FBXL20: variants seen among roughly 807,000 people sequenced by gnomAD.
FBXL20 encodes F-box and leucine rich repeat protein 20, also known as F-box/LRR-repeat protein 20.
A neutral mutation model predicts 64.0 loss-of-function variants in FBXL20; 11 were observed. The observed-to-expected ratio is 0.17, with a 90% CI of 0.11 to 0.28. The LOEUF (loss-of-function observed/expected upper bound fraction) is 0.28, where lower values mean the gene tolerates loss of function less well. Ranked by LOEUF, FBXL20 falls within the 10% of genes least tolerant of loss-of-function variation. The pLI is 1.00. For missense variants in FBXL20, 303 were observed against 526.2 expected (o/e 0.58, Z 4.15); for synonymous variants, 184 against 189.0 (o/e 0.97, Z 0.22).
intron 4 of FBXL20, 82 bp downstream of exon 4, chr17:39,300,919 G>A: frequency 7.7e-7 from 1 of 1,306,228 alleles, no homozygotes. Context: ...TAACGAAAAT[G>A]AGATTAATAT....
chr17:39,285,505 A>G lies in FBXL20; in HGVS notation c.467T>C (p.Ile156Thr), dbSNP rs764828272. ...CAGAGCTTTTAGAGACATGTTTGTT[A>G]TTGATGTACAGGAAGCCAAGTCAAG... Reference protein sequence around the residue: ...RHLDLASCTSITNMSLKALSE... With the variant: ...RHLDLASCTSTTNMSLKALSE... Residue 156 changes from isoleucine to threonine, a missense_variant, in exon 7 of 15, where the codon ATA becomes ACA. Ile to Thr is a moderately conservative substitution (Grantham distance 89). Coordinates refer to ENST00000264658, the MANE Select transcript of FBXL20 (RefSeq NM_032875.3). 6.2e-7 allele frequency: 1 copy of G among 1,602,792 alleles called. No individual in the cohort carries two copies. Among genetic ancestry groups the G allele is most frequent in the Non-Finnish European group, 8.5e-7 (1 of 1,174,328 alleles).
chr17:39,379,084 G>A (rs941812456), intron 1 of FBXL20, among the ~76,000 whole-genome samples: 13 of 150,452 alleles, frequency 8.6e-5, no homozygotes, highest in East Asian at 2.0e-4. Flanking sequence ...AAAATTAGCT[G>A]GGGTGGTGGC....
At position 39,254,878 on chromosome 17, in the gene FBXL20, A is replaced by G. The variant is rs1380235301; in HGVS notation, c.*6582T>C. Reference sequence around the variant, plus strand: ...ATGGTTCTTTGTAAAACAGCAATAAACCACCCTGGCTGAGGAAGCACTGAG... The same window carrying G: ...ATGGTTCTTTGTAAAACAGCAATAAGCCACCCTGGCTGAGGAAGCACTGAG... On this transcript the variant is annotated 3_prime_UTR_variant, in exon 15 of 15. Coordinates refer to ENST00000264658, the MANE Select transcript of FBXL20 (RefSeq NM_032875.3). The G allele has an allele frequency of 6.5e-6, 1 of 152,958 alleles. No individual in the cohort carries two copies. The highest frequency in any genetic ancestry group is 1.5e-5 in the Non-Finnish European group (1 of 68,214). The allele number at this position is 152,958 out of a possible 1,614,324, so 9.5% of individuals were successfully genotyped here.
chr17:39,263,934 G>A (rs1430305156), intron 14 of FBXL20: 1 of 413,960 alleles, frequency 2.4e-6, no homozygotes, highest in Non-Finnish European at 4.4e-6. Context: ...TTATTAGACA[G>A]ACTCTGCTGG....
intron 1 of FBXL20, among the ~76,000 whole-genome samples, chr17:39,375,845 C>A (rs947369552): frequency 3.9e-5 from 6 of 152,052 alleles, no homozygotes; most frequent in Admixed American, 3.3e-4. Flanking sequence ...CGTGGCTGGG[C>A]GTGGTGGCTC....
intron 2 of FBXL20, among the ~76,000 whole-genome samples, chr17:39,316,960 G>A (rs1428456797): frequency 1.3e-5 from 2 of 152,236 alleles, no homozygotes; most frequent in East Asian, 1.9e-4. Context: ...CTGTGCTCCA[G>A]CCTGGGAGAC....
chr17:39,366,446 C>G (rs1200979496), intron 1 of FBXL20, among the ~76,000 whole-genome samples: 1 of 152,198 alleles, frequency 6.6e-6, no homozygotes, highest in African/African-American at 2.4e-5. Context: ...AGACTGGCTA[C>G]ACAACTGTCA....
chr17:39,385,801 G>A (rs1254962570), intron 1 of FBXL20, among the ~76,000 whole-genome samples: 1 of 152,098 alleles, frequency 6.6e-6, no homozygotes. Context: ...GGAGGCCGAG[G>A]TGGGCAGATC....
chr17:39,386,581 G>A (rs541024713), intron 1 of FBXL20, among the ~76,000 whole-genome samples: 4 of 152,178 alleles, frequency 2.6e-5, no homozygotes, highest in East Asian at 3.9e-4. Context: ...CTGAGATCAC[G>A]TCACTGTACT....
At chr17:39,375,413 C>A (rs1334808978) in intron 1 of FBXL20, among the ~76,000 whole-genome samples, 1 of 151,972 alleles carries the variant, frequency 6.6e-6, no homozygotes, top group African/African-American at 2.4e-5. Context: ...ACAATAACAA[C>A]AAAACTGGCA....
Position 39,401,605 on chromosome 17 carries a change from C to T in FBXL20, c.-203G>A, listed in dbSNP as rs1231427722. The T allele has an allele frequency of 4.3e-6, 6 of 1,404,348 alleles. No homozygotes were observed. The highest frequency in any genetic ancestry group is 4.6e-6 in the Non-Finnish European group (5 of 1,088,358). 87.0% of individuals were successfully genotyped at this position (1,404,348 alleles called of 1,614,324 possible). ...GGCGCCGGCGGCCGCAACGACTGCTCGTCGCTAGCTCGGCTCTCTCCTCAG... is the reference window on the plus strand; with the variant it reads ...GGCGCCGGCGGCCGCAACGACTGCTTGTCGCTAGCTCGGCTCTCTCCTCAG... On this transcript the variant is annotated 5_prime_UTR_variant, in exon 1 of 15. Transcript: ENST00000264658.
intron 1 of FBXL20, among the ~76,000 whole-genome samples, chr17:39,363,810 C>CAAAAAAAAAAAAACAAA (rs1567896911): frequency 7.5e-5 from 2 of 26,662 alleles, no homozygotes; most frequent in Non-Finnish European, 1.3e-4. Context: ...GACTTTATCT[C>CAAAAAAAAAAAAACAAA]AAAAAAAAAA....
chr17:39,362,908 G>A (rs1315303597), intron 1 of FBXL20, among the ~76,000 whole-genome samples: 2 of 151,894 alleles, frequency 1.3e-5, no homozygotes, highest in African/African-American at 4.8e-5. Flanking sequence ...GTGAGCCACT[G>A]CGCCTGGCCT....
At chr17:39,273,693 G>A (rs1323907883) in intron 10 of FBXL20, among the ~76,000 whole-genome samples, 3 of 151,866 alleles carry the variant, frequency 2.0e-5, no homozygotes, top group African/African-American at 4.8e-5. Flanking sequence ...GGTGACACTC[G>A]CCTGTAGTCC....
intron 2 of FBXL20, among the ~76,000 whole-genome samples, chr17:39,329,861 G>T (rs1224348514): frequency 6.6e-6 from 1 of 152,076 alleles, no homozygotes; most frequent in Non-Finnish European, 1.5e-5. Flanking sequence ...AGCCAGGTGT[G>T]ATGGCACATG....
chr17:39,371,529 C>T (rs531061777), intron 1 of FBXL20, among the ~76,000 whole-genome samples: 3 of 152,236 alleles, frequency 2.0e-5, no homozygotes, highest in Non-Finnish European at 4.4e-5. Context: ...TTAATTGGCT[C>T]CTGACTTCCA....
intron 1 of FBXL20, among the ~76,000 whole-genome samples, chr17:39,355,855 C>CA (rs746086439): frequency 0.022 from 1,450 of 67,190 alleles, 55 homozygotes; most frequent in African/African-American, 0.049. Flanking sequence ...GACTTCGTCT[C>CA]AAAAAAAAAA....
At chr17:39,286,125 A>G (rs1310954669) in intron 6 of FBXL20, among the ~76,000 whole-genome samples, 1 of 152,242 alleles carries the variant, frequency 6.6e-6, no homozygotes. Context: ...TCTCATTTTA[A>G]TATTTAACAG....
At chr17:39,384,534 A>G (rs2048058569) in intron 1 of FBXL20, among the ~76,000 whole-genome samples, 1 of 151,682 alleles carries the variant, frequency 6.6e-6, no homozygotes, top group Admixed American at 6.6e-5. Context: ...AAAATAAATA[A>G]ATAAATAAAA....
Sources: allele counts gnomAD v4.1 joint callset (sites outside exome capture counted in the v4.1 genomes callset), GRCh38; gene constraint gnomAD v4.1.1; transcripts MANE v1.5; gene names NCBI Gene and HGNC (gene_info 2026-07-23, HGNC 2026-07-21).